Variants in KIAA1217 observed in about 807,000 individuals in gnomAD.
KIAA1217 encodes the protein sickle tail protein homolog.
A neutral mutation model predicts 163.9 loss-of-function variants in KIAA1217; 88 were observed. The observed-to-expected ratio is 0.54, with a 90% CI of 0.45 to 0.64. The LOEUF (loss-of-function observed/expected upper bound fraction) is 0.64. Ranked by LOEUF, KIAA1217 falls within the 30% of genes least tolerant of loss-of-function variation. KIAA1217 has a pLI of 0.00. For missense variants in KIAA1217, 2,372 were observed against 2,475.0 expected (o/e 0.96, Z 0.88); for synonymous variants, 903 against 923.1 (o/e 0.98, Z 0.39).
At chr10:23,878,449 A>G (rs1202580422) in intron 1 of KIAA1217, among the ~76,000 whole-genome samples, 1 of 151,880 alleles carries the variant, frequency 6.6e-6, no homozygotes, top group Non-Finnish European at 1.5e-5. Context: ...TTCAGTAAAT[A>G]TTTACTGAGC....
chr10:23,844,922 T>C (rs1030334928), intron 1 of KIAA1217, among the ~76,000 whole-genome samples: 1 of 152,114 alleles, frequency 6.6e-6, no homozygotes. Context: ...AGGTGTGTGA[T>C]GTTCCCCTCC....
At position 24,427,833 on chromosome 10, in the gene KIAA1217, A is replaced by G. The variant is rs193172614; in HGVS notation, c.554-5162A>G. Reference sequence around the variant, plus strand: ...TTCATCATCATGCCAATAAAACGCCATCGGATATTAAGAGAATTCCTTCTG... The same window carrying G: ...TTCATCATCATGCCAATAAAACGCCGTCGGATATTAAGAGAATTCCTTCTG... On this transcript the variant is annotated intron_variant, in intron 3 of 20. Transcript: ENST00000376454. Among the ~76,000 whole-genome samples the G allele has an allele frequency of 1.6e-3, 239 of 152,352 alleles. 1 individual carries two copies. Among genetic ancestry groups the G allele is most frequent in the African/African-American group, 3.9e-3 (164 of 41,588 alleles).
chr10:23,776,926 C>T (rs901194373), intron 1 of KIAA1217, among the ~76,000 whole-genome samples: 2 of 151,710 alleles, frequency 1.3e-5, no homozygotes, highest in Non-Finnish European at 2.9e-5. Flanking sequence ...TCAAGTGCTC[C>T]ACCTGTCTCA....
chr10:24,161,878 A>G (rs757371272), intron 2 of KIAA1217, among the ~76,000 whole-genome samples: 1 of 152,228 alleles, frequency 6.6e-6, no homozygotes, highest in Non-Finnish European at 1.5e-5. Flanking sequence ...ATGAGGCATA[A>G]TGGTTCAAAG....
chr10:23,918,016 C>A (rs1190536232), intron 1 of KIAA1217, among the ~76,000 whole-genome samples: 1 of 150,590 alleles, frequency 6.6e-6, no homozygotes, highest in Non-Finnish European at 1.5e-5. Flanking sequence ...TTTTATCCCA[C>A]AATTTTTTTT....
chr10:24,088,242 G>GT (rs199773079), intron 2 of KIAA1217, among the ~76,000 whole-genome samples: 2,050 of 99,112 alleles, frequency 0.021, 225 homozygotes, highest in African/African-American at 0.07. Context: ...CCCAGGCTCT[G>GT]TTTTTTTAAT....
At chr10:24,313,144 G>A (rs367643064) in intron 2 of KIAA1217, among the ~76,000 whole-genome samples, 5 of 152,114 alleles carry the variant, frequency 3.3e-5, no homozygotes, top group South Asian at 2.1e-4. Context: ...TCTCCTCACC[G>A]CGATCTCTTC....
At chr10:24,169,357 G>A (rs1161245738) in intron 2 of KIAA1217, among the ~76,000 whole-genome samples, 1 of 152,000 alleles carries the variant, frequency 6.6e-6, no homozygotes, top group Non-Finnish European at 1.5e-5. Context: ...TAGTCCCAAC[G>A]GCTTTCTTAC....
In KIAA1217 at chr10:23,749,493, C is replaced by T. The variant is rs959403754; in HGVS notation, c.-321+54259C>T. On this transcript the variant is annotated intron_variant, in intron 1 of 18. Transcript: ENST00000376462. ...CGCCATCTTGGCTCACTGCAACCTC[C>T]GCCTCCTAGGTTCAAGTGATTCTCC... Among the ~76,000 whole-genome samples, 12 of 152,154 alleles carry T rather than the reference C, an allele frequency of 7.9e-5. No individual in the cohort carries two copies. The East Asian group carries it at 2.1e-3, about 27-fold the overall frequency.
rs201029705 is a variant in KIAA1217 at position 24,258,406 on chromosome 10, A to G, written c.354+38497A>G. ...AAATCTGAGGCTAATAGTTGGAGGA[A>G]GTGAGGGGTGACTGTGAGAGAACAA... On this transcript the variant is annotated intron_variant, in intron 2 of 20. Transcript: ENST00000376454. Among the ~76,000 whole-genome samples, 240 of 152,202 alleles carry G rather than the reference A, an allele frequency of 1.6e-3. 2 individuals are homozygous for G. The highest frequency in any genetic ancestry group is 5.7e-3 in the African/African-American group (236 of 41,536).
At chr10:24,227,811 C>T (rs763825968) in intron 2 of KIAA1217, among the ~76,000 whole-genome samples, 7 of 152,032 alleles carry the variant, frequency 4.6e-5, no homozygotes, top group Non-Finnish European at 1.0e-4. Flanking sequence ...GGATTACAGG[C>T]GTGAGCCACT....
intron 2 of KIAA1217, among the ~76,000 whole-genome samples, chr10:24,324,648 ATTAGTAAG>A (rs1354519185): frequency 3.3e-5 from 5 of 152,212 alleles, no homozygotes; most frequent in Non-Finnish European, 5.9e-5. Context: ...GGGTGAGAGT[ATTAGTAAG>A]GACTCTTGGA....
At chr10:23,826,698 G>A (rs537519570) in intron 1 of KIAA1217, among the ~76,000 whole-genome samples, 4 of 152,270 alleles carry the variant, frequency 2.6e-5, no homozygotes, top group South Asian at 4.2e-4. Context: ...GTGGTGTGTA[G>A]TTGCTGTTCT....
At chr10:23,918,695 G>A (rs1209229917) in intron 1 of KIAA1217, among the ~76,000 whole-genome samples, 1 of 151,480 alleles carries the variant, frequency 6.6e-6, no homozygotes, top group Non-Finnish European at 1.5e-5. Flanking sequence ...CATACCCACA[G>A]ATAGTGGCAA....
At position 24,126,351 on chromosome 10, in the gene KIAA1217, T is replaced by A. The variant is rs117627133; in HGVS notation, c.-170-93275T>A. ...TGCTATAGTTTTTATTTCTAGATGATGTATTGTTTTAATACATATTTTTCT... is the reference window on the plus strand; with the variant it reads ...TGCTATAGTTTTTATTTCTAGATGAAGTATTGTTTTAATACATATTTTTCT... On this transcript the variant is annotated intron_variant, in intron 2 of 18. Coordinates refer to the KIAA1217 transcript ENST00000376462. Among the ~76,000 whole-genome samples, 171 of 152,320 alleles carry A rather than the reference T, an allele frequency of 1.1e-3. 1 individual carries two copies. Among genetic ancestry groups the A allele is most frequent in the Non-Finnish European group, 2.2e-3 (150 of 68,008 alleles).
intron 3 of KIAA1217, among the ~76,000 whole-genome samples, chr10:24,426,246 G>A (rs1026193203): frequency 9.2e-5 from 14 of 152,292 alleles, no homozygotes; most frequent in African/African-American, 2.2e-4. Context: ...GTATCTGAGC[G>A]TCTACTAGGT....
intron 2 of KIAA1217, among the ~76,000 whole-genome samples, chr10:24,294,507 TTAGGCAAG>T (rs890987249): frequency 5.9e-5 from 9 of 152,274 alleles, no homozygotes; most frequent in Admixed American, 3.9e-4. Context: ...GCTACTTTCA[TTAGGCAAG>T]TTAATGGCAG....
intron 1 of KIAA1217, among the ~76,000 whole-genome samples, chr10:23,873,367 C>G (rs1164011870): frequency 1.3e-5 from 2 of 151,930 alleles, no homozygotes; most frequent in Non-Finnish European, 2.9e-5. Context: ...AAAGGTGGCT[C>G]TTAAAGAAAT....
At chr10:24,322,744 A>G (rs541541330) in intron 2 of KIAA1217, among the ~76,000 whole-genome samples, 2 of 152,260 alleles carry the variant, frequency 1.3e-5, no homozygotes, top group South Asian at 4.2e-4. Context: ...CTCACCTTGC[A>G]GGGCTGCTCA....
Sources: gnomAD v4.1 joint callset for allele counts (sites outside exome capture counted in the v4.1 genomes callset) on GRCh38, gnomAD v4.1.1 for gene constraint, MANE v1.5 for transcripts, NCBI Gene and HGNC (gene_info 2026-07-23, HGNC 2026-07-21) for gene names.